PLCB1: variants seen among roughly 807,000 people sequenced by gnomAD.
PLCB1 encodes the protein 1-phosphatidylinositol 4,5-bisphosphate phosphodiesterase beta-1.
PLCB1 carries 46 observed loss-of-function variants against 161.8 expected under a neutral mutation model. The ratio of observed to expected loss-of-function variants is 0.28; its 90% CI spans 0.22 to 0.36. The LOEUF is 0.36. Among genes scored for constraint, PLCB1 ranks in the 10% least tolerant of loss-of-function variants. The pLI, the probability that PLCB1 is intolerant of heterozygous loss-of-function variation, is 1.00. For missense variants in PLCB1, 1,016 were observed against 1,472.5 expected, an observed-to-expected ratio of 0.69 and a Z score of 5.07; for synonymous variants, 517 against 503.7, an observed-to-expected ratio of 1.03 and a Z score of -0.35.
chr20:8,524,650 A>G (rs1984508943), intron 3 of PLCB1, among the ~76,000 whole-genome samples: 1 of 152,202 alleles, frequency 6.6e-6, no homozygotes, highest in African/African-American at 2.4e-5. Context: ...ATTAAGAAGT[A>G]AAACCAAGTG....
chr20:8,735,827 T>A (rs1160645360), intron 19 of PLCB1, among the ~76,000 whole-genome samples: 1 of 152,174 alleles, frequency 6.6e-6, no homozygotes, highest in Non-Finnish European at 1.5e-5. Flanking sequence ...TCAAGCCAAA[T>A]AGAACATACA....
intron 3 of PLCB1, among the ~76,000 whole-genome samples, chr20:8,461,246 A>G (rs1981563058): frequency 6.6e-6 from 1 of 152,186 alleles, no homozygotes; most frequent in South Asian, 2.1e-4. Context: ...TTATGTATGC[A>G]TAGTAAATGA....
intron 3 of PLCB1, among the ~76,000 whole-genome samples, chr20:8,562,753 TG>T (rs1240314984): frequency 6.6e-6 from 1 of 152,046 alleles, no homozygotes; most frequent in South Asian, 2.1e-4. Context: ...TGACTTCATG[TG>T]GGGGTCATCT....
chr20:8,200,006 C>T (rs556628811), intron 2 of PLCB1, among the ~76,000 whole-genome samples: 1 of 152,158 alleles, frequency 6.6e-6, no homozygotes, highest in East Asian at 1.9e-4. Flanking sequence ...CAGGCAATTA[C>T]CTTTAGAGTT....
intron 3 of PLCB1, among the ~76,000 whole-genome samples, chr20:8,465,675 G>C (rs1052248171): frequency 2.6e-5 from 4 of 152,114 alleles, no homozygotes; most frequent in Non-Finnish European, 5.9e-5. Context: ...TCCAGCAGAA[G>C]AGCCCTACAA....
intron 12 of PLCB1, among the ~76,000 whole-genome samples, chr20:8,711,364 A>G (rs1979006403): frequency 1.3e-5 from 2 of 152,258 alleles, no homozygotes; most frequent in South Asian, 4.1e-4. Context: ...CTAGTCATTT[A>G]GAGATCAAAA....
At chr20:8,427,188 C>A (rs1011135663) in intron 3 of PLCB1, among the ~76,000 whole-genome samples, 1 of 151,968 alleles carries the variant, frequency 6.6e-6, no homozygotes, top group Non-Finnish European at 1.5e-5. Context: ...TGAGATTACA[C>A]GCATGAGCCA....
intron 2 of PLCB1, among the ~76,000 whole-genome samples, chr20:8,247,626 A>G (rs947190998): frequency 4.0e-5 from 6 of 151,118 alleles, no homozygotes; most frequent in Non-Finnish European, 7.4e-5. Context: ...CAGCACACAC[A>G]CACACATACA....
At chr20:8,761,513 ATGG>A (rs1982027472) in intron 25 of PLCB1, among the ~76,000 whole-genome samples, 1 of 152,136 alleles carries the variant, frequency 6.6e-6, no homozygotes, top group Non-Finnish European at 1.5e-5. Context: ...AAAACAAAAC[ATGG>A]TTTGGTTTTG....
intron 3 of PLCB1, among the ~76,000 whole-genome samples, chr20:8,422,116 G>A (rs980109265): frequency 1.3e-5 from 2 of 152,322 alleles, no homozygotes; most frequent in Admixed American, 6.5e-5. Context: ...TTTGTTTTGT[G>A]AATTATGAGT....
chr20:8,264,714 C>T (rs901530558), intron 2 of PLCB1, among the ~76,000 whole-genome samples: 1 of 151,810 alleles, frequency 6.6e-6, no homozygotes, highest in Non-Finnish European at 1.5e-5. Flanking sequence ...TTATGGGGCA[C>T]ATGACTGTGT....
chr20:8,313,252 C>T (rs757451745), intron 2 of PLCB1, among the ~76,000 whole-genome samples: 7 of 152,140 alleles, frequency 4.6e-5, no homozygotes, highest in Non-Finnish European at 1.0e-4. Flanking sequence ...AGTTTGTCAA[C>T]ATAGACTGGG....
chr20:8,832,895 C>T (rs1296081855), intron 31 of PLCB1, among the ~76,000 whole-genome samples: 2 of 152,170 alleles, frequency 1.3e-5, no homozygotes, highest in South Asian at 2.1e-4. Flanking sequence ...ACCCTCATGT[C>T]GGCAGCTGGA....
intron 3 of PLCB1, among the ~76,000 whole-genome samples, chr20:8,576,063 A>G (rs1398121817): frequency 6.6e-6 from 1 of 152,228 alleles, no homozygotes; most frequent in African/African-American, 2.4e-5. Context: ...ATAAACTGCA[A>G]TAAGCTTCTA....
chr20:8,587,623 TGGGGAG>T (rs1987030180), intron 3 of PLCB1, among the ~76,000 whole-genome samples: 1 of 152,170 alleles, frequency 6.6e-6, no homozygotes. Flanking sequence ...CAAGATTGCA[TGGGGAG>T]GAATATCACA....
At chr20:8,569,529 G>GTTC (rs1441739617) in intron 3 of PLCB1, among the ~76,000 whole-genome samples, 1 of 152,120 alleles carries the variant, frequency 6.6e-6, no homozygotes, top group Non-Finnish European at 1.5e-5. Flanking sequence ...CACATACACT[G>GTTC]ACCTAATGAT....
At chr20:8,167,900 G>A (rs570259599) in intron 2 of PLCB1, among the ~76,000 whole-genome samples, 32 of 152,152 alleles carry the variant, frequency 2.1e-4, no homozygotes, top group Non-Finnish European at 3.2e-4. Context: ...TCTGGTCTCA[G>A]GTGGGCTCCT....
intron 2 of PLCB1, among the ~76,000 whole-genome samples, chr20:8,200,396 C>T (rs1381051478): frequency 6.6e-6 from 1 of 151,958 alleles, no homozygotes; most frequent in Non-Finnish European, 1.5e-5. Context: ...CTGAATTATA[C>T]CTCTTTTGTT....
At chr20:8,722,477 G>A (rs1568573484) in intron 15 of PLCB1, 56 bp downstream of exon 15, 5 of 1,278,772 alleles carry the variant, frequency 3.9e-6, no homozygotes, top group Non-Finnish European at 3.2e-6. Context: ...TACTCTCCTG[G>A]GTCTGTCTCA....
Sources: gnomAD v4.1 joint callset for allele counts (sites outside exome capture counted in the v4.1 genomes callset) on GRCh38, gnomAD v4.1.1 for gene constraint, MANE v1.5 for transcripts, NCBI Gene and HGNC (gene_info 2026-07-23, HGNC 2026-07-21) for gene names.